PLD5: variants seen among roughly 807,000 people sequenced by gnomAD.
PLD5 encodes the protein inactive phospholipase D5.
In PLD5, 36 loss-of-function variants were observed where a neutral mutation model predicts 61.1. The ratio of observed to expected loss-of-function variants is 0.59; its 90% CI spans 0.45 to 0.78. The LOEUF (loss-of-function observed/expected upper bound fraction) is 0.78. PLD5 is among the 30% of genes least tolerant of loss of function. PLD5 has a pLI of 0.00. For synonymous variants in PLD5, 243 were observed against 242.8 expected (o/e 1.00, Z -0.01); for missense variants, 515 against 644.4 (o/e 0.80, Z 2.17).
intron 1 of PLD5, among the ~76,000 whole-genome samples, chr1:242,475,474 G>A (rs1667570291): frequency 6.6e-6 from 1 of 151,774 alleles, no homozygotes; most frequent in African/African-American, 2.4e-5. Context: ...CACCTTGTGG[G>A]GAATGAAGTC....
chr1:242,224,525 A>C (rs1670804915), intron 4 of PLD5, among the ~76,000 whole-genome samples: 1 of 152,202 alleles, frequency 6.6e-6, no homozygotes, highest in African/African-American at 2.4e-5. Context: ...ATGCATAAGA[A>C]ACATGGAGTA....
chr1:242,473,601 T>C (rs1667504702), intron 1 of PLD5, among the ~76,000 whole-genome samples: 2 of 152,166 alleles, frequency 1.3e-5, no homozygotes, highest in South Asian at 2.1e-4. Flanking sequence ...AAAAATCATA[T>C]AAAAGTTTTT....
rs1659649136 is a variant in PLD5, at chr1:242,089,549, CA to C, written c.*304del. ...CCTAACAACTGACCGGGTAGGTCAGCAGAAAAAGTTCTAAAACTAGAAAGGA... is the reference window on the plus strand; with the variant it reads ...CCTAACAACTGACCGGGTAGGTCAGCGAAAAAGTTCTAAAACTAGAAAGGA... On this transcript the variant is annotated 3_prime_UTR_variant, in exon 10 of 10. Transcript: ENST00000536534. The C allele has an allele frequency of 1.9e-6, 1 of 515,092 alleles. No individual in the cohort carries two copies. The highest frequency in any genetic ancestry group is 1.9e-5 in the African/African-American group (1 of 52,094). The allele number at this position is 515,092 out of a possible 1,614,324, so 31.9% of individuals were successfully genotyped here.
intron 5 of PLD5, 74 bp downstream of exon 5, chr1:242,219,914 C>T (rs1670455644): frequency 6.5e-6 from 10 of 1,548,160 alleles, no homozygotes; most frequent in Non-Finnish European, 8.8e-6. Flanking sequence ...TCCTTATCTG[C>T]AGTAGCGTGC....
intron 5 of PLD5, among the ~76,000 whole-genome samples, chr1:242,219,705 T>TGGG (rs1228699142): frequency 6.6e-6 from 1 of 152,174 alleles, no homozygotes; most frequent in Non-Finnish European, 1.5e-5. Flanking sequence ...AATATAGGTC[T>TGGG]GGGTGATGTC....
rs371805406 is a variant in PLD5, at chr1:242,434,100, G to A, written c.190-85858C>T. 3.0e-4 allele frequency among the ~76,000 whole-genome samples: 46 copies of A among 152,324 alleles called. 1 individual carries two copies. The highest frequency in any genetic ancestry group is 6.8e-3 in the Middle Eastern group (2 of 294). ...TTTCAGAAGACTGATCATTCTGACC[G>A]CTATGCTAAGAAGCTGCAGGCAGCA... On this transcript the variant is annotated intron_variant, in intron 1 of 9. Coordinates refer to ENST00000536534, the MANE Select transcript of PLD5 (RefSeq NM_001372062.1).
intron 1 of PLD5, among the ~76,000 whole-genome samples, chr1:242,394,294 ATATATATGAGTATATATGTGTG>A (rs1391002966): frequency 7.1e-5 from 6 of 84,154 alleles, no homozygotes; most frequent in South Asian, 9.9e-4. Flanking sequence ...ATATATGAGT[ATATATATGAGTATATATGTGTG>A]TATATATGAG....
intron 5 of PLD5, among the ~76,000 whole-genome samples, chr1:242,180,735 C>T (rs555996091): frequency 1.3e-5 from 2 of 152,254 alleles, no homozygotes; most frequent in East Asian, 1.9e-4. Context: ...AATCCCAGCA[C>T]TTTGGGAGAC....
intron 2 of PLD5, among the ~76,000 whole-genome samples, chr1:242,322,187 C>T (rs1234176731): frequency 1.3e-5 from 2 of 152,142 alleles, no homozygotes; most frequent in Non-Finnish European, 2.9e-5. Flanking sequence ...TGACTCCGCA[C>T]CAGGCACTAG....
chr1:242,369,096 A>G (rs1404142954), intron 1 of PLD5, among the ~76,000 whole-genome samples: 3 of 152,234 alleles, frequency 2.0e-5, no homozygotes, highest in African/African-American at 7.2e-5. Context: ...CCATCAGATC[A>G]AAGTTCCTCA....
At chr1:242,237,011 A>T (rs380005) in intron 4 of PLD5, among the ~76,000 whole-genome samples, 113,811 of 152,156 alleles carry the variant, frequency 0.75, 42,653 homozygotes, top group South Asian at 0.84. Flanking sequence ...TGTTCTTTTC[A>T]CACAGACAAG....
chr1:242,394,965 ATGATTATATATG>A (rs765716752), intron 1 of PLD5, among the ~76,000 whole-genome samples: 136 of 78,762 alleles, frequency 1.7e-3, no homozygotes, highest in Non-Finnish European at 2.3e-3. Flanking sequence ...ATGAATATAT[ATGATTATATATG>A]AATATATATG....
chr1:242,345,496 A>G (rs1013533893), intron 2 of PLD5: 47 of 746,594 alleles, frequency 6.3e-5, no homozygotes, highest in Non-Finnish European at 1.5e-5. Context: ...TGCTAAAAAC[A>G]TTGGCAAGGG....
intron 1 of PLD5, among the ~76,000 whole-genome samples, chr1:242,427,844 C>T (rs1665517326): frequency 1.3e-5 from 2 of 152,132 alleles, no homozygotes; most frequent in South Asian, 4.2e-4. Context: ...CATTCTTTTC[C>T]CCCATTTTAA....
intron 2 of PLD5, among the ~76,000 whole-genome samples, chr1:242,347,676 A>T (rs1399837613): frequency 6.6e-6 from 1 of 152,218 alleles, no homozygotes; most frequent in African/African-American, 2.4e-5. Flanking sequence ...CTTCTCATCG[A>T]CACACTTACT....
At chr1:242,163,080 C>A (rs1346345553) in intron 5 of PLD5, among the ~76,000 whole-genome samples, 1 of 151,892 alleles carries the variant, frequency 6.6e-6, no homozygotes, top group Non-Finnish European at 1.5e-5. Flanking sequence ...AGAATCAATT[C>A]ATGGAAATGT....
At chr1:242,503,156 C>A (rs934031107) in intron 1 of PLD5, among the ~76,000 whole-genome samples, 1 of 152,142 alleles carries the variant, frequency 6.6e-6, no homozygotes, top group Admixed American at 6.5e-5. Flanking sequence ...CTGACTAAAT[C>A]TCATAGAAAT....
chr1:242,391,753 G>A (rs534119701), intron 1 of PLD5, among the ~76,000 whole-genome samples: 1 of 151,250 alleles, frequency 6.6e-6, no homozygotes, highest in East Asian at 2.0e-4. Flanking sequence ...ACTCAGCTCT[G>A]TCTTGGGCAA....
At chr1:242,308,576 C>G (rs1452904928) in intron 2 of PLD5, among the ~76,000 whole-genome samples, 1 of 151,818 alleles carries the variant, frequency 6.6e-6, no homozygotes, top group African/African-American at 2.4e-5. Flanking sequence ...TGCATATATA[C>G]ATATACTATA....
Sources: gnomAD v4.1 joint callset for allele counts (sites outside exome capture counted in the v4.1 genomes callset) on GRCh38, gnomAD v4.1.1 for gene constraint, MANE v1.5 for transcripts, NCBI Gene and HGNC (gene_info 2026-07-23, HGNC 2026-07-21) for gene names.